Variants in ACVR1 observed in about 807,000 individuals in gnomAD.
The protein encoded by ACVR1 is activin A receptor type 1.
ACVR1 carries 38 observed loss-of-function variants against 57.1 expected under a neutral mutation model. That is an observed-to-expected ratio of 0.67 (90% CI 0.51 to 0.87). ACVR1 has a LOEUF of 0.87. ACVR1 is among the 40% of genes least tolerant of loss of function. The pLI is 0.00. For synonymous variants in ACVR1, 212 were observed against 228.1 expected (o/e 0.93, Z 0.63); for missense variants, 463 against 638.2 (o/e 0.73, Z 2.96).
chr2:157,833,571 G>A (rs1419516749), intron 1 of ACVR1, among the ~76,000 whole-genome samples: 1 of 152,142 alleles, frequency 6.6e-6, no homozygotes, highest in Non-Finnish European at 1.5e-5. Flanking sequence ...ATATAAAAAG[G>A]AAATAAAACG....
chr2:157,737,741 T>C, intron 10 of ACVR1, 76 bp from the exon 11 acceptor site: 5 of 1,578,868 alleles, frequency 3.2e-6, no homozygotes, highest in South Asian at 2.2e-5. Context: ...TGATATCATG[T>C]CTACTATTCT....
At chr2:157,773,198 T>C (rs917475149) in intron 6 of ACVR1, among the ~76,000 whole-genome samples, 3 of 152,162 alleles carry the variant, frequency 2.0e-5, no homozygotes, top group Admixed American at 2.0e-4. Context: ...AGGAAAATGA[T>C]TATGGAACTT....
chr2:157,842,690 T>C (rs71421051), intron 1 of ACVR1, among the ~76,000 whole-genome samples: 423 of 152,274 alleles, frequency 2.8e-3, no homozygotes, highest in Admixed American at 5.9e-3. Flanking sequence ...TATTTAAGGT[T>C]CAAAGATGAT....
chr2:157,849,835 C>T (rs2105363790), intron 1 of ACVR1, among the ~76,000 whole-genome samples: 1 of 152,328 alleles, frequency 6.6e-6, no homozygotes, highest in African/African-American at 2.4e-5. Flanking sequence ...GAATAGTCAA[C>T]CTTAACCTCC....
At chr2:157,759,196 A>C (rs2105249492) in intron 9 of ACVR1, among the ~76,000 whole-genome samples, 1 of 152,214 alleles carries the variant, frequency 6.6e-6, no homozygotes, top group South Asian at 2.1e-4. Flanking sequence ...TAATGAAATA[A>C]AAAGTTAGTT....
intron 1 of ACVR1, among the ~76,000 whole-genome samples, chr2:157,864,173 AATTCT>A (rs1689835441): frequency 1.3e-5 from 2 of 151,860 alleles, no homozygotes; most frequent in African/African-American, 4.8e-5. Context: ...TGCAGGAGCA[AATTCT>A]AAAGAAAAAA....
rs1280782173 is a variant in ACVR1 at position 157,875,939 on chromosome 2, G to T, written c.-326C>A. On this transcript the variant is annotated 5_prime_UTR_variant, in exon 1 of 11. Coordinates refer to ENST00000434821, the MANE Select transcript of ACVR1 (RefSeq NM_001111067.4). Reference sequence around the variant, plus strand: ...AGGGAGCCCGGAACTCTGCGGGGCCGGGAGCCGGGGGCCGAGGGCCGGCCC... The same window carrying T: ...AGGGAGCCCGGAACTCTGCGGGGCCTGGAGCCGGGGGCCGAGGGCCGGCCC... 2 of 148,608 alleles carry T rather than the reference G, an allele frequency of 1.3e-5. No individual in the cohort carries two copies. Among genetic ancestry groups the T allele is most frequent in the African/African-American group, 4.9e-5 (2 of 40,768 alleles). The allele number at this position is 148,608 out of a possible 1,614,324, so 9.2% of individuals were successfully genotyped here.
At chr2:157,825,774 C>T (rs1019337112) in intron 1 of ACVR1, among the ~76,000 whole-genome samples, 3 of 152,174 alleles carry the variant, frequency 2.0e-5, no homozygotes, top group African/African-American at 7.2e-5. Context: ...GCTATATGTA[C>T]ATCTCCAAAT....
chr2:157,854,662 G>A (rs1423323368), intron 1 of ACVR1, among the ~76,000 whole-genome samples: 1 of 151,346 alleles, frequency 6.6e-6, no homozygotes, highest in Non-Finnish European at 1.5e-5. Context: ...GGCAGAGCTT[G>A]CAGTGAGCCG....
chr2:157,780,631 A>G (rs1686477887), intron 3 of ACVR1, 31 bp from the exon 4 acceptor site: 2 of 1,611,988 alleles, frequency 1.2e-6, no homozygotes, highest in Non-Finnish European at 1.7e-6. Flanking sequence ...GGGGAAAAAA[A>G]AAAAAAAGAG....
At position 157,737,592 on chromosome 2, in the gene ACVR1, C is replaced by G. The variant is rs554387941; in HGVS notation, c.1469G>C (p.Arg490Pro). 1 of 1,614,018 alleles carries G rather than the reference C, an allele frequency of 6.2e-7. No homozygotes were observed. Among genetic ancestry groups the G allele is most frequent in the South Asian group, 1.1e-5 (1 of 91,070 alleles). ...QNPSARLTAL[R>P]IKKTLTKIDN... ...AATTTTGGTCAAAGTCTTTTTGATA[C>G]GCAGTGCTGTGAGTCTTGCGGATGG... The change falls in exon 11 of 11, where the codon CGT (arginine) becomes CCT (proline). Residue 490 changes from arginine to proline, a missense_variant. By Grantham distance (103) the Arg-to-Pro change is moderately radical. Transcript: ENST00000434821.
intron 1 of ACVR1, among the ~76,000 whole-genome samples, chr2:157,861,553 A>C (rs995383988): frequency 6.6e-6 from 1 of 152,246 alleles, no homozygotes; most frequent in Non-Finnish European, 1.5e-5. Context: ...ATGAAAACTA[A>C]ATCCAGGTAA....
At chr2:157,792,503 C>T (rs1266537720) in intron 3 of ACVR1, among the ~76,000 whole-genome samples, 1 of 152,182 alleles carries the variant, frequency 6.6e-6, no homozygotes, top group African/African-American at 2.4e-5. Flanking sequence ...TCTAGACCAG[C>T]TTTGTTGAGG....
intron 1 of ACVR1, among the ~76,000 whole-genome samples, chr2:157,842,345 G>A (rs182523879): frequency 3.3e-5 from 5 of 152,296 alleles, no homozygotes; most frequent in East Asian, 3.9e-4. Context: ...TACAGAAAGC[G>A]TTCTGAACTG....
chr2:157,851,912 A>ACCACCC lies in ACVR1; in HGVS notation c.-183+23883_-183+23884insGGGTGG, dbSNP rs1450603672. On this transcript the variant is annotated intron_variant, in intron 1 of 10. Coordinates refer to ENST00000434821, the MANE Select transcript of ACVR1 (RefSeq NM_001111067.4). ...ACACACACACACACACACACACACC[A>ACCACCC]CCCCCACCCCACCCGCCCAGTCCTG... Among the ~76,000 whole-genome samples the ACCACCC allele has an allele frequency of 9.2e-4, 15 of 16,246 alleles. 1 individual carries two copies. Among genetic ancestry groups the ACCACCC allele is most frequent in the African/African-American group, 3.0e-3 (15 of 5,018 alleles). The allele number at this position is 16,246 out of a possible 152,430, so 10.7% of individuals were successfully genotyped here. A position where few individuals can be genotyped will look rare whatever the true frequency, so the allele number is the denominator to read the frequency against.
chr2:157,764,214 G>A (rs903958025), intron 8 of ACVR1, among the ~76,000 whole-genome samples: 2 of 151,862 alleles, frequency 1.3e-5, no homozygotes, highest in African/African-American at 4.8e-5. Context: ...ACGAAGTCTC[G>A]CTCTGTCGCC....
chr2:157,758,206 T>C (rs1465597147), intron 9 of ACVR1, among the ~76,000 whole-genome samples: 1 of 152,028 alleles, frequency 6.6e-6, no homozygotes, highest in South Asian at 2.1e-4. Flanking sequence ...AAAACAGACA[T>C]TAAGCCAAAA....
intron 9 of ACVR1, among the ~76,000 whole-genome samples, chr2:157,739,589 C>A (rs1222253267): frequency 1.3e-5 from 2 of 152,164 alleles, no homozygotes; most frequent in African/African-American, 4.8e-5. Flanking sequence ...CGACTTTCTT[C>A]TATTCCTAAA....
intron 2 of ACVR1, among the ~76,000 whole-genome samples, chr2:157,802,273 G>A (rs972914622): frequency 9.2e-5 from 14 of 152,144 alleles, no homozygotes; most frequent in Non-Finnish European, 1.8e-4. Context: ...TTCTATTGAG[G>A]TGCCTGTGGC....
Sources: gnomAD v4.1 joint callset for allele counts (sites outside exome capture counted in the v4.1 genomes callset) on GRCh38, gnomAD v4.1.1 for gene constraint, MANE v1.5 for transcripts, NCBI Gene and HGNC (gene_info 2026-07-23, HGNC 2026-07-21) for gene names.